Variants in ZNF366 observed in about 807,000 individuals in gnomAD.
ZNF366 encodes dendritic cell-specific transcript protein.
Under a neutral mutation model 47.2 loss-of-function variants are expected in ZNF366, and 20 were observed. The observed-to-expected ratio is 0.42, with a 90% CI of 0.30 to 0.62. The LOEUF is 0.62. Among genes scored for constraint, ZNF366 ranks in the 20% least tolerant of loss-of-function variants. The pLI, the probability that ZNF366 is intolerant of heterozygous loss-of-function variation, is 0.16. For missense variants in ZNF366, 987 were observed against 976.3 expected, an observed-to-expected ratio of 1.01 and a Z score of -0.15; for synonymous variants, 421 against 395.1, an observed-to-expected ratio of 1.07 and a Z score of -0.78.
intron 1 of ZNF366, among the ~76,000 whole-genome samples, chr5:72,484,291 C>T (rs897470487): frequency 1.1e-4 from 17 of 151,412 alleles, no homozygotes; most frequent in Admixed American, 7.9e-4. Context: ...GAGACCATCC[C>T]GGCTAAAACG....
chr5:72,481,476 C>T (rs909643752), intron 1 of ZNF366, among the ~76,000 whole-genome samples: 12 of 152,070 alleles, frequency 7.9e-5, no homozygotes, highest in African/African-American at 2.2e-4. Flanking sequence ...AATAGCACTG[C>T]GGTAGACAAC....
chr5:72,460,918 G>C lies in ZNF366; in HGVS notation c.579C>G (p.Ser193=), dbSNP rs569945690. 404 of 1,612,268 alleles carry C rather than the reference G, an allele frequency of 2.5e-4. 3 individuals are homozygous for C. The South Asian group carries it at 4.0e-3, about 16-fold the overall frequency. ...TGTGCCGGCTGAAGGGGAAGGGCGAGGACGAGGGCACGAAGAAGGGGAACA... is the reference window on the plus strand; with the variant it reads ...TGTGCCGGCTGAAGGGGAAGGGCGACGACGAGGGCACGAAGAAGGGGAACA... ...GLMFPFFVPS[S]SPFPFSRHTF... The change falls in exon 2 of 5, where the codon TCC becomes TCG. Residue 193 remains serine (S), a synonymous_variant. Transcript: ENST00000318442.
chr5:72,456,655 T>A, intron 2 of ZNF366, 60 bp from the exon 3 acceptor site: 1 of 1,456,724 alleles, frequency 6.9e-7, no homozygotes, highest in Non-Finnish European at 9.2e-7. Context: ...TTCATCAGGA[T>A]CATAGGCTTC....
chr5:72,496,393 C>G (rs1173635229), intron 1 of ZNF366, among the ~76,000 whole-genome samples: 1 of 152,178 alleles, frequency 6.6e-6, no homozygotes, highest in Non-Finnish European at 1.5e-5. Flanking sequence ...TGTCTGGTTC[C>G]TTTAATAATA....
chr5:72,449,120 T>C (rs1378978121), intron 3 of ZNF366, among the ~76,000 whole-genome samples: 1 of 152,218 alleles, frequency 6.6e-6, no homozygotes, highest in Non-Finnish European at 1.5e-5. Context: ...GATGACTCTT[T>C]TATTCTCAAT....
intron 3 of ZNF366, among the ~76,000 whole-genome samples, chr5:72,454,859 A>C (rs1239624774): frequency 6.6e-6 from 1 of 152,204 alleles, no homozygotes; most frequent in East Asian, 1.9e-4. Flanking sequence ...AAAGAGAGAG[A>C]GAAGAGGAGG....
Position 72,442,413 on chromosome 5 carries a change from G to A in ZNF366, c.*1343C>T, listed in dbSNP as rs1742872299. The A allele has an allele frequency of 6.6e-6, 1 of 152,112 alleles. No homozygotes were observed. Among genetic ancestry groups the A allele is most frequent in the Non-Finnish European group, 1.5e-5 (1 of 68,022 alleles). 9.4% of individuals were successfully genotyped at this position (152,112 alleles called of 1,614,324 possible). ...ATCAATTAAATCAGAATCTTAATGGGTAAGGCCTTGGTTTGGTGGTTTTTT... is the reference window on the plus strand; with the variant it reads ...ATCAATTAAATCAGAATCTTAATGGATAAGGCCTTGGTTTGGTGGTTTTTT... On this transcript the variant is annotated 3_prime_UTR_variant, in exon 5 of 5. Coordinates refer to ENST00000318442, the MANE Select transcript of ZNF366 (RefSeq NM_152625.3).
At chr5:72,451,874 T>C (rs1377664593) in intron 3 of ZNF366, among the ~76,000 whole-genome samples, 1 of 152,218 alleles carries the variant, frequency 6.6e-6, no homozygotes, top group Non-Finnish European at 1.5e-5. Context: ...GATGCCTGTG[T>C]GCTCCGGGCC....
chr5:72,451,018 G>A (rs1310210532), intron 3 of ZNF366, among the ~76,000 whole-genome samples: 1 of 152,226 alleles, frequency 6.6e-6, no homozygotes, highest in Non-Finnish European at 1.5e-5. Flanking sequence ...AAATCTCTAG[G>A]TTCTTCTCCA....
chr5:72,452,025 G>A (rs1021279116), intron 3 of ZNF366, among the ~76,000 whole-genome samples: 2 of 152,202 alleles, frequency 1.3e-5, no homozygotes, highest in Non-Finnish European at 2.9e-5. Context: ...GATAGCAGTG[G>A]GCAGCCACTG....
At chr5:72,471,242 C>T (rs1743557219) in intron 1 of ZNF366, among the ~76,000 whole-genome samples, 1 of 152,174 alleles carries the variant, frequency 6.6e-6, no homozygotes, top group South Asian at 2.1e-4. Context: ...ATGTAGTAGA[C>T]TTCTTGCTAT....
Position 72,444,160 on chromosome 5 carries a change from C to T in ZNF366, c.1831G>A (p.Ala611Thr). 1 of 1,613,600 alleles carries T rather than the reference C, an allele frequency of 6.2e-7. No individual in the cohort carries two copies. Residue 611 changes from alanine (A) to threonine (T), a missense_variant, in exon 5 of 5, where the codon GCC (alanine) becomes ACC (threonine). Transcript: ENST00000318442. Reference sequence around the variant, plus strand: ...TCCTCGTGGCAGTGGCTGCCCTGGGCACTCTCCCCGTCTGACTGGAACACC... The same window carrying T: ...TCCTCGTGGCAGTGGCTGCCCTGGGTACTCTCCCCGTCTGACTGGAACACC... Reference protein sequence around the residue: ...VPVFQSDGESAQGSHCHEEEE... With the variant: ...VPVFQSDGESTQGSHCHEEEE...
intron 1 of ZNF366, among the ~76,000 whole-genome samples, chr5:72,498,543 G>GT (rs1234992588): frequency 1.3e-5 from 2 of 152,186 alleles, no homozygotes; most frequent in African/African-American, 4.8e-5. Flanking sequence ...ATTGCTAGTA[G>GT]TAACACTTAA....
At chr5:72,464,865 C>T (rs1743399602) in intron 1 of ZNF366, among the ~76,000 whole-genome samples, 1 of 151,814 alleles carries the variant, frequency 6.6e-6, no homozygotes, top group Admixed American at 6.6e-5. Context: ...TTGAGACCAG[C>T]CTGGCCAAGA....
At chr5:72,499,950 T>TTC in intron 1 of ZNF366, among the ~76,000 whole-genome samples, 1 of 152,304 alleles carries the variant, frequency 6.6e-6, no homozygotes, top group Non-Finnish European at 1.5e-5. Context: ...CCGGCGCTGC[T>TTC]TCCTTCCCCC....
Position 72,449,771 on chromosome 5 carries a change from C to T in ZNF366, c.1525-2354G>A, listed in dbSNP as rs540293263. On this transcript the variant is annotated intron_variant, in intron 3 of 4. Transcript: ENST00000318442. ...TTATTTATTATCTGCCTAGTATTGG[C>T]GTGACACATCATAGTTCCTCAGTAA... is the stretch of plus-strand genomic sequence containing the variant. 3.9e-5 allele frequency among the ~76,000 whole-genome samples: 6 copies of T among 152,218 alleles called. No individual in the cohort carries two copies. The South Asian group carries it at 1.2e-3, about 32-fold the overall frequency.
Position 72,507,267 on chromosome 5 carries a change from A to G in ZNF366, c.-31T>C, listed in dbSNP as rs1159789304. On this transcript the variant is annotated 5_prime_UTR_variant, in exon 1 of 5. Coordinates refer to ENST00000318442, the MANE Select transcript of ZNF366 (RefSeq NM_152625.3). ...GTAACTTACCAGCTCCTGAGGTCTG[A>G]ATGGCTGCAGCAGCCCCACTCCTTT... is the stretch of plus-strand genomic sequence containing the variant. The G allele has an allele frequency of 1.0e-6, 1 of 985,408 alleles. No homozygotes were observed. The highest frequency in any genetic ancestry group is 6.1e-5 in the Admixed American group (1 of 16,262). 61.0% of individuals were successfully genotyped at this position (985,408 alleles called of 1,614,324 possible). A position where few individuals can be genotyped will look rare whatever the true frequency, so the allele number is the denominator to read the frequency against.
chr5:72,460,877 TGC>T lies in ZNF366; in HGVS notation c.618_619del (p.Gln207AlafsTer33). On this transcript the variant is annotated frameshift_variant, in exon 2 of 5. Coordinates refer to ENST00000318442, the MANE Select transcript of ZNF366 (RefSeq NM_152625.3). LOFTEE classifies it high-confidence loss of function. ...CCGGGGCAGCAGAGGTTCCGGGGGC[TGC>T]TTGGGCAGGAAGGTGTGCCGGCTGA... 6.2e-7 allele frequency: 1 copy of T among 1,613,748 alleles called. No individual in the cohort carries two copies. The highest frequency in any genetic ancestry group is 8.5e-7 in the Non-Finnish European group (1 of 1,179,792).
intron 3 of ZNF366, among the ~76,000 whole-genome samples, chr5:72,452,579 G>A (rs1229712543): frequency 2.0e-5 from 3 of 152,196 alleles, no homozygotes; most frequent in Admixed American, 6.5e-5. Flanking sequence ...AAAGTGAGGG[G>A]AAAATGGAGC....
Sources: allele counts gnomAD v4.1 joint callset (sites outside exome capture counted in the v4.1 genomes callset), GRCh38; gene constraint gnomAD v4.1.1; transcripts MANE v1.5; gene names NCBI Gene and HGNC (gene_info 2026-07-23, HGNC 2026-07-21).